OR10H1: variants seen among roughly 807,000 people sequenced by gnomAD.
The protein encoded by OR10H1 is olfactory receptor 10H1.
In OR10H1, 12 loss-of-function variants were observed where a neutral mutation model predicts 13.1. The ratio of observed to expected loss-of-function variants is 0.92; its 90% CI spans 0.59 to 1.48. The LOEUF is 1.48. OR10H1 is among the 40% of genes most tolerant of loss of function. The pLI is 0.00. For synonymous variants in OR10H1, 168 were observed against 175.6 expected, an observed-to-expected ratio of 0.96 and a Z score of 0.34; for missense variants, 363 against 413.1, an observed-to-expected ratio of 0.88 and a Z score of 1.05.
rs2144937906 is a variant in OR10H1 at position 15,805,156 on chromosome 19, C to T, written c.*1925G>A. 6.6e-6 allele frequency: 1 copy of T among 152,038 alleles called. No homozygotes were observed. The highest frequency in any genetic ancestry group is 2.4e-5 in the African/African-American group (1 of 41,488). The allele number at this position is 152,038 out of a possible 1,614,324, so 9.4% of individuals were successfully genotyped here. On this transcript the variant is annotated 3_prime_UTR_variant, in exon 4 of 4. Transcript: ENST00000641419. ...CAGATGAGTAGATTGCAAAAATTTTCTCCCATTCTGTAGGTTGCCTGTTCA... is the reference window on the plus strand; with the variant it reads ...CAGATGAGTAGATTGCAAAAATTTTTTCCCATTCTGTAGGTTGCCTGTTCA...
intron 2 of OR10H1, among the ~76,000 whole-genome samples, chr19:15,809,625 C>A (rs1240376363): frequency 1.3e-5 from 2 of 152,100 alleles, no homozygotes; most frequent in Non-Finnish European, 2.9e-5. Flanking sequence ...ATTCCTTTAT[C>A]TCTCTGTACC....
chr19:15,807,995 C>G lies in OR10H1; in HGVS notation c.43G>C (p.Val15Leu), dbSNP rs774486457. The G allele has an allele frequency of 5.6e-6, 9 of 1,613,876 alleles. No individual in the cohort carries two copies. In the African/African-American group the frequency reaches 1.1e-4, roughly 19 times the overall value. ...NHSTVTQFIL[V>L]GFSVFPHLQL... ...AGGTGGGGGAAGACAGAGAAGCCGA[C>G]GAGGATGAATTGGGTCACTGTGGAG... is the stretch of plus-strand genomic sequence containing the variant. The change falls in exon 4 of 4, where the codon GTC (valine) becomes CTC (leucine). Residue 15 changes from valine to leucine, a missense_variant. Val to Leu is a conservative substitution (Grantham distance 32). Transcript: ENST00000641419.
rs542126396 is a variant in OR10H1, at chr19:15,815,122, C to G, written c.-778+433G>C. ...TTGGGAAGCCGAGGCGGGTGGATCA[C>G]GAGATCAGGAGTTCAAGACCAGCCT... On this transcript the variant is annotated intron_variant, in intron 1 of 3. Transcript: ENST00000641419. 5.4e-3 allele frequency among the ~76,000 whole-genome samples: 823 copies of G among 152,112 alleles called. 10 individuals are homozygous for G. The highest frequency in any genetic ancestry group is 0.019 in the African/African-American group (785 of 41,518).
intron 1 of OR10H1, among the ~76,000 whole-genome samples, chr19:15,813,407 G>A (rs191373444): frequency 4.2e-4 from 63 of 151,752 alleles, no homozygotes; most frequent in African/African-American, 1.5e-3. Flanking sequence ...TTCCTCTGTA[G>A]GTAAAACAGA....
Position 15,806,305 on chromosome 19 carries a change from A to G in OR10H1, c.*776T>C, listed in dbSNP as rs2088895039. 1 of 152,176 alleles carries G rather than the reference A, an allele frequency of 6.6e-6. No individual in the cohort carries two copies. Among genetic ancestry groups the G allele is most frequent in the Non-Finnish European group, 1.5e-5 (1 of 68,026 alleles). The allele number at this position is 152,176 out of a possible 1,614,324, so 9.4% of individuals were successfully genotyped here. On this transcript the variant is annotated 3_prime_UTR_variant, in exon 4 of 4. Transcript: ENST00000641419. Reference sequence around the variant, plus strand: ...CACTTCCACTCCAAATACATCCCTGATGCTGATTAACCTTTGTGTTTATAA... The same window carrying G: ...CACTTCCACTCCAAATACATCCCTGGTGCTGATTAACCTTTGTGTTTATAA...
Position 15,805,006 on chromosome 19 carries a change from T to G in OR10H1, c.*2075A>C, listed in dbSNP as rs2088887331. ...AGCATTTTTTCATATGTTTTTTGGC[T>G]GCATAAATGTCTTCTTTTGAGAAGT... On this transcript the variant is annotated 3_prime_UTR_variant, in exon 4 of 4. Transcript: ENST00000641419. The G allele has an allele frequency of 6.6e-6, 1 of 152,242 alleles. No individual in the cohort carries two copies. Among genetic ancestry groups the G allele is most frequent in the Non-Finnish European group, 1.5e-5 (1 of 68,044 alleles). 9.4% of individuals were successfully genotyped at this position (152,242 alleles called of 1,614,324 possible).
chr19:15,810,983 A>T (rs2088929799), intron 2 of OR10H1, among the ~76,000 whole-genome samples: 1 of 152,214 alleles, frequency 6.6e-6, no homozygotes, highest in Non-Finnish European at 1.5e-5. Context: ...TCATTTTAGA[A>T]AGGGTAGTTC....
chr19:15,813,937 G>A (rs921960494), intron 1 of OR10H1, among the ~76,000 whole-genome samples: 2 of 151,982 alleles, frequency 1.3e-5, no homozygotes, highest in African/African-American at 4.8e-5. Flanking sequence ...AAGAGAGAGA[G>A]CAAGCAAGCC....
chr19:15,807,607 A>C lies in OR10H1; in HGVS notation c.431T>G (p.Leu144Arg), dbSNP rs559894657. 1.4e-4 allele frequency: 218 copies of C among 1,614,190 alleles called. No individual in the cohort carries two copies. The highest frequency in any genetic ancestry group is 5.3e-4 in the Admixed American group (32 of 60,022). Residue 144 changes from leucine to arginine, a missense_variant, in exon 4 of 4, where the codon CTG becomes CGG. By Grantham distance (102) the Leu-to-Arg change is moderately radical. Around this residue, in one of 3 missense-constraint regions of OR10H1, gnomAD observed 318 missense variants for 366.6 expected, o/e 0.87. Coordinates refer to ENST00000641419, the MANE Select transcript of OR10H1 (RefSeq NM_013940.4). ...VLMSPRGCAC[L>R]VGCSWAGGLV... Reference sequence around the variant, plus strand: ...GCCACCAGCCCAGGAGCAGCCCACCAGGCAGGCGCAGCCCCGCGGGCTCAT... The same window carrying C: ...GCCACCAGCCCAGGAGCAGCCCACCCGGCAGGCGCAGCCCCGCGGGCTCAT...
chr19:15,807,670 T>G lies in OR10H1; in HGVS notation c.368A>C (p.Tyr123Ser). 2 of 1,613,998 alleles carry G rather than the reference T, an allele frequency of 1.2e-6. No individual in the cohort carries two copies. The highest frequency in any genetic ancestry group is 1.7e-6 in the Non-Finnish European group (2 of 1,179,962). ...FLLTVMGYDR[Y>S]VAICHPLRYN... ...GCGCAGGGGGTGGCAGATGGCCACG[T>G]AGCGGTCGTAGCCCATGACGGTGAG... The change falls in exon 4 of 4, where the codon TAC becomes TCC. Residue 123 changes from tyrosine to serine, a missense_variant. Physicochemically the swap from Tyr to Ser is moderately radical, Grantham distance 144. This residue lies in a region of OR10H1 where 318 missense variants were observed against 366.6 expected (regional missense o/e 0.87). Transcript: ENST00000641419.
intron 1 of OR10H1, among the ~76,000 whole-genome samples, chr19:15,813,422 G>A (rs1411029719): frequency 2.0e-5 from 3 of 152,156 alleles, no homozygotes. Context: ...AACAGAGAGA[G>A]AGAAAGGTAG....
intron 1 of OR10H1, among the ~76,000 whole-genome samples, chr19:15,813,402 C>G (rs1272021846): frequency 6.6e-6 from 1 of 151,696 alleles, no homozygotes; most frequent in African/African-American, 2.4e-5. Flanking sequence ...GTGGGTTCCT[C>G]TGTAGGTAAA....
chr19:15,811,239 T>C (rs1311549177), intron 2 of OR10H1, among the ~76,000 whole-genome samples: 1 of 152,132 alleles, frequency 6.6e-6, no homozygotes, highest in African/African-American at 2.4e-5. Flanking sequence ...CTCTGAGATC[T>C]TAGAGGAGTA....
chr19:15,814,661 T>A (rs55924438), intron 1 of OR10H1, among the ~76,000 whole-genome samples: 38,875 of 151,758 alleles, frequency 0.26, 5,447 homozygotes, highest in Middle Eastern at 0.35. Flanking sequence ...TGCCTGCCAT[T>A]CCTGGCCAAT....
chr19:15,812,523 A>G lies in OR10H1; in HGVS notation c.-422T>C, dbSNP rs1040602732. The G allele has an allele frequency of 2.1e-5, 3 of 142,916 alleles. No individual in the cohort carries two copies. The highest frequency in any genetic ancestry group is 7.7e-5 in the African/African-American group (3 of 38,868). 8.9% of individuals were successfully genotyped at this position (142,916 alleles called of 1,614,324 possible). On this transcript the variant is annotated 5_prime_UTR_variant, in exon 2 of 4. Transcript: ENST00000641419. ...GAGGGAGGGAAGGAGGAAGGAAGGAACGAAGGAAGGAAGGAAGGAGAGTGA... is the reference window on the plus strand; with the variant it reads ...GAGGGAGGGAAGGAGGAAGGAAGGAGCGAAGGAAGGAAGGAAGGAGAGTGA...
chr19:15,808,442 C>G (rs2088915609), intron 3 of OR10H1, among the ~76,000 whole-genome samples: 1 of 152,144 alleles, frequency 6.6e-6, no homozygotes, highest in African/African-American at 2.4e-5. Flanking sequence ...AATCCCAGCA[C>G]TTTGGAGGCT....
At position 15,807,678 on chromosome 19, in the gene OR10H1, G is replaced by A. The variant is rs2088908731; in HGVS notation, c.360C>T (p.Tyr120=). 3.1e-6 allele frequency: 5 copies of A among 1,613,914 alleles called. No homozygotes were observed. Among genetic ancestry groups the A allele is most frequent in the East Asian group, 2.2e-5 (1 of 44,892 alleles). The change falls in exon 4 of 4, where the codon TAC becomes TAT. Residue 120 remains tyrosine, a synonymous_variant. Coordinates refer to ENST00000641419, the MANE Select transcript of OR10H1 (RefSeq NM_013940.4). The stretch of plus-strand genomic sequence containing the variant: ...GGTGGCAGATGGCCACGTAGCGGTC[G>A]TAGCCCATGACGGTGAGCAGGAAGG... ...THSFLLTVMG[Y]DRYVAICHPL...
rs1455674309 is a variant in OR10H1 at position 15,805,988 on chromosome 19, A to G, written c.*1093T>C. ...CTGTTTATTGCTATTTCTAACTTCT[A>G]TTGCATAGATCTGTGCAATGCTGAA... On this transcript the variant is annotated 3_prime_UTR_variant, in exon 4 of 4. Transcript: ENST00000641419. The G allele has an allele frequency of 6.6e-6, 1 of 152,090 alleles. No homozygotes were observed. Among genetic ancestry groups the G allele is most frequent in the African/African-American group, 2.4e-5 (1 of 41,400 alleles). The allele number at this position is 152,090 out of a possible 1,614,324, so 9.4% of individuals were successfully genotyped here.
rs575765173 is a variant in OR10H1, at chr19:15,805,146, C to T, written c.*1935G>A. 46 of 152,000 alleles carry T rather than the reference C, an allele frequency of 3.0e-4. No individual in the cohort carries two copies. Among genetic ancestry groups the T allele is most frequent in the African/African-American group, 1.1e-3 (44 of 41,476 alleles). The allele number at this position is 152,000 out of a possible 1,614,324, so 9.4% of individuals were successfully genotyped here. A position where few individuals can be genotyped will look rare whatever the true frequency, so the allele number is the denominator to read the frequency against. The stretch of plus-strand genomic sequence containing the variant: ...AGCCCTTTGTCAGATGAGTAGATTG[C>T]AAAAATTTTCTCCCATTCTGTAGGT... On this transcript the variant is annotated 3_prime_UTR_variant, in exon 4 of 4. Transcript: ENST00000641419.
Sources: gnomAD v4.1 joint callset for allele counts (sites outside exome capture counted in the v4.1 genomes callset) on GRCh38, gnomAD v4.1.1 for gene constraint, gnomAD v4.1.1 regional missense constraint, MANE v1.5 for transcripts, NCBI Gene and HGNC (gene_info 2026-07-23, HGNC 2026-07-21) for gene names.